CHCHD2: variants seen among roughly 807,000 people sequenced by gnomAD.
CHCHD2 encodes coiled-coil-helix-coiled-coil-helix domain-containing protein 2.
CHCHD2 carries 17 observed loss-of-function variants against 17.5 expected under a neutral mutation model. That is an observed-to-expected ratio of 0.97 (90% confidence interval 0.67 to 1.46). The LOEUF (loss-of-function observed/expected upper bound fraction) is 1.46. Among genes scored for constraint, CHCHD2 ranks in the 40% most tolerant of loss-of-function variants. The probability of loss-of-function intolerance (pLI) is 0.00; values close to 1 mark genes in which losing one functional copy is unlikely to be tolerated. For missense variants in CHCHD2, 175 were observed against 199.9 expected (o/e 0.88, Z 0.75); for synonymous variants, 63 against 74.3 (o/e 0.85, Z 0.78).
At chr7:56,101,980 GTTTTTTT>G (rs112334416) in intron 3 of CHCHD2, 119 bp from the exon 4 acceptor site, 13 of 946,408 alleles carry the variant, frequency 1.4e-5, no homozygotes, top group Middle Eastern at 2.2e-4. Flanking sequence ...TTTGTTTTTT[GTTTTTTT>G]TTGATAAAAA....
rs745552780 is a variant in CHCHD2 at position 56,104,488 on chromosome 7, AG to A, written c.51-14del. The A allele has an allele frequency of 3.4e-5, 52 of 1,536,552 alleles. No homozygotes were observed. Among genetic ancestry groups the A allele is most frequent in the Non-Finnish European group, 4.5e-5 (51 of 1,136,822 alleles). ...CTGAGGGGCCCGGCTGTGAAAGAAA[AG>A]AAAAAAACATCAAGTTCCCAATTCC... is the stretch of plus-strand genomic sequence containing the variant. On this transcript the variant is annotated splice_polypyrimidine_tract_variant and intron_variant, in intron 1 of 3. Coordinates refer to ENST00000395422, the MANE Select transcript of CHCHD2 (RefSeq NM_016139.4).
intron 3 of CHCHD2, 114 bp from the exon 4 acceptor site, chr7:56,101,975 TTTTTG>T (rs1785292938): frequency 2.0e-6 from 2 of 988,378 alleles, no homozygotes; most frequent in African/African-American, 1.7e-5. Context: ...GGTTTTTTGT[TTTTTG>T]TTTTTTTTTG....
chr7:56,106,254 C>T, intron 1 of CHCHD2, 110 bp downstream of exon 1: 1 of 1,001,148 alleles, frequency 1.0e-6, no homozygotes, highest in South Asian at 1.6e-5. Context: ...GAGGCGAGCC[C>T]ACGCCGCAGC....
At chr7:56,104,040 C>T (rs1562888334) in intron 2 of CHCHD2, among the ~76,000 whole-genome samples, 186 bp downstream of exon 2, 1 of 152,210 alleles carries the variant, frequency 6.6e-6, no homozygotes, top group East Asian at 1.9e-4. Context: ...ACAATTTGTA[C>T]AGTACTTGTT....
intron 2 of CHCHD2, 32 bp from the exon 3 acceptor site, chr7:56,103,043 A>G (rs781222772): frequency 1.9e-6 from 3 of 1,613,302 alleles, no homozygotes; most frequent in Non-Finnish European, 2.5e-6. Flanking sequence ...CATTGCTGAG[A>G]AAGAAAATCA....
At chr7:56,103,065 AG>A in intron 2 of CHCHD2, 54 bp from the exon 3 acceptor site, 1 of 1,589,618 alleles carries the variant, frequency 6.3e-7, no homozygotes, top group South Asian at 1.1e-5. Context: ...ACTTATGCCT[AG>A]ACAATGAAGA....
rs1785388302 is a variant in CHCHD2, at chr7:56,106,443, C to A, written c.-30G>T. 6.2e-7 allele frequency: 1 copy of A among 1,611,346 alleles called. No individual in the cohort carries two copies. The highest frequency in any genetic ancestry group is 1.7e-5 in the Admixed American group (1 of 59,922). ...GGTAAGCGACGGCTAGGCCTCCGGA[C>A]GTGGGACAACCACCGAAGAGCTAAG... On this transcript the variant is annotated 5_prime_UTR_variant, in exon 1 of 4. Transcript: ENST00000395422.
chr7:56,102,704 CATAAAA>C (rs1259977833), intron 3 of CHCHD2, 157 bp downstream of exon 3: 1 of 708,142 alleles, frequency 1.4e-6, no homozygotes, highest in Non-Finnish European at 2.3e-6. Flanking sequence ...GAAAATTACT[CATAAAA>C]ATGACTAGAA....
chr7:56,105,452 A>G (rs181588376), intron 1 of CHCHD2, among the ~76,000 whole-genome samples: 1 of 152,320 alleles, frequency 6.6e-6, no homozygotes, highest in East Asian at 1.9e-4. Context: ...CTCTGCATTC[A>G]TGGAGTTTAC....
intron 1 of CHCHD2, among the ~76,000 whole-genome samples, chr7:56,105,935 C>G (rs4948108): frequency 0.15 from 23,486 of 152,210 alleles, 1,986 homozygotes; most frequent in Non-Finnish European, 0.19. Flanking sequence ...TCAACTATTC[C>G]TCATCTGTTC....
chr7:56,102,549 G>C (rs909186970), intron 3 of CHCHD2: 1 of 229,252 alleles, frequency 4.4e-6, no homozygotes. Flanking sequence ...TGTATTTTTA[G>C]TACAGATGGG....
At chr7:56,105,714 C>T (rs4948107) in intron 1 of CHCHD2, among the ~76,000 whole-genome samples, 28,020 of 152,120 alleles carry the variant, frequency 0.18, 2,741 homozygotes, top group African/African-American at 0.23. Flanking sequence ...TAGCTTGAGC[C>T]CAGGAAGTCA....
chr7:56,104,128 TA>T, intron 2 of CHCHD2, 97 bp downstream of exon 2: 1 of 1,525,188 alleles, frequency 6.6e-7, no homozygotes, highest in Non-Finnish European at 9.0e-7. Context: ...CAGTGGGTTC[TA>T]AAATCAAAGA....
chr7:56,105,593 T>C (rs995303691), intron 1 of CHCHD2, among the ~76,000 whole-genome samples: 7 of 152,150 alleles, frequency 4.6e-5, no homozygotes, highest in Admixed American at 3.3e-4. Flanking sequence ...CAGGGCCACA[T>C]AATGAGACCC....
At chr7:56,103,788 C>A (rs754965457) in intron 2 of CHCHD2, among the ~76,000 whole-genome samples, 1 of 152,054 alleles carries the variant, frequency 6.6e-6, no homozygotes, top group East Asian at 1.9e-4. Flanking sequence ...TCAAGCACAC[C>A]GGAAATACAA....
Position 56,104,244 on chromosome 7 carries a change from C to T in CHCHD2, c.282G>A (p.Arg94=), listed in dbSNP as rs754488672. The change falls in exon 2 of 4, where the codon AGG becomes AGA. Residue 94 remains arginine (R), a synonymous_variant. Coordinates refer to ENST00000395422, the MANE Select transcript of CHCHD2 (RefSeq NM_016139.4). ...FSGGSNAEPA[R]PDITYQEPQG... is the part of the protein sequence containing the mutation. ...TTCCCACCTGGTAAGTGATGTCAGG[C>T]CTCGCAGGCTCAGCATTACTTCCTC... The T allele has an allele frequency of 6.2e-7, 1 of 1,613,394 alleles. No homozygotes were observed. Among genetic ancestry groups the T allele is most frequent in the Admixed American group, 1.7e-5 (1 of 60,020 alleles).
At chr7:56,103,124 G>T in intron 2 of CHCHD2, 113 bp from the exon 3 acceptor site, 1 of 998,900 alleles carries the variant, frequency 1.0e-6, no homozygotes, top group Non-Finnish European at 1.5e-6. Flanking sequence ...AGCACCAGAT[G>T]CTAATTAAAG....
At chr7:56,104,932 A>C (rs1785356634) in intron 1 of CHCHD2, among the ~76,000 whole-genome samples, 1 of 123,580 alleles carries the variant, frequency 8.1e-6, no homozygotes, top group African/African-American at 3.2e-5. Flanking sequence ...TTTTTTTGAG[A>C]CAGGGCCTCA....
intron 1 of CHCHD2, among the ~76,000 whole-genome samples, chr7:56,105,248 A>G (rs1482422871): frequency 6.6e-6 from 1 of 152,190 alleles, no homozygotes; most frequent in Non-Finnish European, 1.5e-5. Context: ...AGCCTAGGAC[A>G]TACTAGTTTT....
Sources: gnomAD v4.1 joint callset for allele counts (sites outside exome capture counted in the v4.1 genomes callset) on GRCh38, gnomAD v4.1.1 for gene constraint, MANE v1.5 for transcripts, NCBI Gene and HGNC (gene_info 2026-07-23, HGNC 2026-07-21) for gene names.